ZFAND4: variants seen among roughly 807,000 people sequenced by gnomAD.
ZFAND4 encodes zinc finger AN1-type containing 4, also known as AN1-type zinc finger protein 4.
ZFAND4 carries 43 observed loss-of-function variants against 64.4 expected under a neutral mutation model. That is an observed-to-expected ratio of 0.67 (90% confidence interval 0.52 to 0.86). The LOEUF (loss-of-function observed/expected upper bound fraction) is 0.86. Among genes scored for constraint, ZFAND4 ranks in the 40% least tolerant of loss-of-function variants. The pLI is 0.00. For missense variants in ZFAND4, 929 were observed against 859.8 expected (o/e 1.08, Z -1.01); for synonymous variants, 296 against 305.7 (o/e 0.97, Z 0.33).
chr10:45,619,753 T>C (rs2045274896), intron 8 of ZFAND4, among the ~76,000 whole-genome samples: 1 of 152,188 alleles, frequency 6.6e-6, no homozygotes, highest in Non-Finnish European at 1.5e-5. Flanking sequence ...CCAGCAAAAT[T>C]AAATCTTCTT....
At chr10:45,645,975 T>G (rs2047351059) in intron 5 of ZFAND4, among the ~76,000 whole-genome samples, 1 of 151,482 alleles carries the variant, frequency 6.6e-6, no homozygotes, top group Non-Finnish European at 1.5e-5. Context: ...TGACAGTACC[T>G]ATCTGTGTGA....
chr10:45,657,642 G>A (rs2048216648), intron 2 of ZFAND4, among the ~76,000 whole-genome samples: 1 of 152,144 alleles, frequency 6.6e-6, no homozygotes. Context: ...GTATGTGAAA[G>A]TTTATATGGC....
intron 6 of ZFAND4, among the ~76,000 whole-genome samples, chr10:45,635,214 C>CAAAAAAAAAAAAAAAAAAAAAAAAA (rs76130878): frequency 8.8e-5 from 6 of 68,254 alleles, no homozygotes; most frequent in Admixed American, 1.6e-4. Context: ...AAAAAAAAAA[C>CAAAAAAAAAAAAAAAAAAAAAAAAA]AAAAAAAAAA....
At chr10:45,640,727 T>G (rs1424689826) in intron 5 of ZFAND4, among the ~76,000 whole-genome samples, 1 of 152,166 alleles carries the variant, frequency 6.6e-6, no homozygotes, top group Non-Finnish European at 1.5e-5. Flanking sequence ...CCTGACCTCG[T>G]GATCCGCCTA....
chr10:45,617,064 G>A (rs1417467108), intron 9 of ZFAND4, among the ~76,000 whole-genome samples: 3 of 149,836 alleles, frequency 2.0e-5, no homozygotes, highest in African/African-American at 4.9e-5. Context: ...GTGACAGAGC[G>A]AGACACAATC....
intron 1 of ZFAND4, among the ~76,000 whole-genome samples, chr10:45,668,186 G>A (rs1436127186): frequency 6.6e-6 from 1 of 152,074 alleles, no homozygotes; most frequent in Non-Finnish European, 1.5e-5. Flanking sequence ...ATTTCCTCAG[G>A]ATTTCTGTGT....
At chr10:45,630,028 T>C (rs1033095608) in intron 6 of ZFAND4, among the ~76,000 whole-genome samples, 1 of 152,076 alleles carries the variant, frequency 6.6e-6, no homozygotes, top group African/African-American at 2.4e-5. Flanking sequence ...TAACTGTTAA[T>C]ACTCATCTAA....
chr10:45,639,162 T>G (rs1303439895), intron 6 of ZFAND4, among the ~76,000 whole-genome samples: 1 of 152,054 alleles, frequency 6.6e-6, no homozygotes, highest in Non-Finnish European at 1.5e-5. Context: ...AGGACTTTTA[T>G]CTAGAATATA....
At chr10:45,643,211 C>G (rs1240798309) in intron 5 of ZFAND4, among the ~76,000 whole-genome samples, 1 of 151,444 alleles carries the variant, frequency 6.6e-6, no homozygotes, top group African/African-American at 2.4e-5. Flanking sequence ...TGAGCCACCA[C>G]GCCCGGCCTC....
At chr10:45,667,371 C>G (rs1029572520) in intron 1 of ZFAND4, among the ~76,000 whole-genome samples, 4 of 151,398 alleles carry the variant, frequency 2.6e-5, no homozygotes. Flanking sequence ...TTCCTAAACG[C>G]TCTCTATAAA....
chr10:45,654,568 G>A lies in ZFAND4; in HGVS notation c.185-1509C>T, dbSNP rs182374849. On this transcript the variant is annotated intron_variant, in intron 2 of 9. Coordinates refer to ENST00000344646, the MANE Select transcript of ZFAND4 (RefSeq NM_174890.4). ...TGGGAGGCAGAGGTTGCAGTGAGCC[G>A]AGATTGCGCCACTGCACTCCAGCCT... 3.8e-3 allele frequency among the ~76,000 whole-genome samples: 569 copies of A among 151,494 alleles called. 3 individuals are homozygous for A. Among genetic ancestry groups the A allele is most frequent in the African/African-American group, 0.013 (540 of 41,264 alleles).
At chr10:45,660,666 A>G (rs2048412428) in intron 2 of ZFAND4, among the ~76,000 whole-genome samples, 1 of 152,216 alleles carries the variant, frequency 6.6e-6, no homozygotes, top group African/African-American at 2.4e-5. Context: ...TAAATCAGCC[A>G]GGAAAGGGAA....
At chr10:45,629,671 G>C (rs763395362) in intron 6 of ZFAND4, among the ~76,000 whole-genome samples, 2 of 151,866 alleles carry the variant, frequency 1.3e-5, no homozygotes, top group Non-Finnish European at 2.9e-5. Context: ...GACCAGCCTA[G>C]AAAACATGAG....
intron 1 of ZFAND4, among the ~76,000 whole-genome samples, chr10:45,664,128 T>C (rs1327715005): frequency 1.3e-5 from 2 of 152,176 alleles, no homozygotes; most frequent in African/African-American, 4.8e-5. Flanking sequence ...ACTTTTGTTG[T>C]TAAGTGATAT....
At chr10:45,666,654 G>A (rs77387136) in intron 1 of ZFAND4, among the ~76,000 whole-genome samples, 9,089 of 152,176 alleles carry the variant, frequency 0.06, 395 homozygotes, top group African/African-American at 0.12. Flanking sequence ...TAGCTCTTAT[G>A]TTTAGGTGTA....
chr10:45,637,271 G>C (rs754567776), intron 6 of ZFAND4, among the ~76,000 whole-genome samples: 16 of 150,476 alleles, frequency 1.1e-4, no homozygotes, highest in Non-Finnish European at 1.6e-4. Context: ...AACCAAGGAG[G>C]TGGAGGTTGC....
chr10:45,632,920 T>C (rs866942261), intron 6 of ZFAND4, among the ~76,000 whole-genome samples: 1 of 151,878 alleles, frequency 6.6e-6, no homozygotes, highest in African/African-American at 2.4e-5. Flanking sequence ...AATAGAGACA[T>C]GGGAAAAGGT....
chr10:45,672,797 C>T (rs1164131070), upstream of ZFAND4: 1 of 152,336 alleles, frequency 6.6e-6, no homozygotes, highest in Non-Finnish European at 1.5e-5. Context: ...GCGCCCCGCC[C>T]CTTTGTGACA....
intron 6 of ZFAND4, 46 bp from the exon 7 acceptor site, chr10:45,627,151 G>T: frequency 6.9e-7 from 1 of 1,455,004 alleles, no homozygotes; most frequent in Non-Finnish European, 9.1e-7. Flanking sequence ...CGTTTTCTCT[G>T]CCCATTAACA....
Sources: gnomAD v4.1 joint callset for allele counts (sites outside exome capture counted in the v4.1 genomes callset) on GRCh38, gnomAD v4.1.1 for gene constraint, MANE v1.5 for transcripts, NCBI Gene and HGNC (gene_info 2026-07-23, HGNC 2026-07-21) for gene names.